The following PPARG variants were observed in gnomAD, a reference collection of about 807,000 sequenced individuals.
PPARG encodes the protein peroxisome proliferator activated receptor gamma, also known as peroxisome proliferator-activated receptor gamma.
In PPARG, 17 loss-of-function variants were observed where a neutral mutation model predicts 39.2. The observed-to-expected ratio is 0.43, with a 90% CI of 0.30 to 0.65. The LOEUF (loss-of-function observed/expected upper bound fraction) is 0.65. Among genes scored for constraint, PPARG ranks in the 30% least tolerant of loss-of-function variants. The probability of loss-of-function intolerance (pLI) is 0.13; values close to 1 mark genes in which losing one functional copy is unlikely to be tolerated. For synonymous variants in PPARG, 223 were observed against 215.7 expected, an observed-to-expected ratio of 1.03 and a Z score of -0.30; for missense variants, 406 against 585.9, an observed-to-expected ratio of 0.69 and a Z score of 3.17.
At position 12,320,355 on chromosome 3, in the gene PPARG, A is replaced by G. The variant is rs933348053; in HGVS notation, c.-9+7902A>G. Among the ~76,000 whole-genome samples, 7 of 152,206 alleles carry G rather than the reference A, an allele frequency of 4.6e-5. No homozygotes were observed. In the East Asian group the frequency reaches 1.3e-3, roughly 29 times the overall value. On this transcript the variant is annotated intron_variant, in intron 2 of 7. Coordinates refer to ENST00000651735, the MANE Select transcript of PPARG (RefSeq NM_138711.6). ...ATTGTCTGAATAAATACCAATATCT[A>G]CTAGTATTTATTTCCTTGCTGGTAA...
intron 3 of PPARG, among the ~76,000 whole-genome samples, chr3:12,380,750 T>G (rs1242928987): frequency 6.6e-6 from 1 of 152,164 alleles, no homozygotes; most frequent in African/African-American, 2.4e-5. Flanking sequence ...AGGTAGGGCT[T>G]ACTTCCATAA....
chr3:12,288,981 G>A (rs2046579820), upstream of PPARG: 1 of 152,408 alleles, frequency 6.6e-6, no homozygotes, highest in South Asian at 2.1e-4. Context: ...ACGCCTCGGT[G>A]TTTAGGGAGG....
intron 1 of PPARG, among the ~76,000 whole-genome samples, chr3:12,297,148 A>G (rs987464433): frequency 5.3e-5 from 8 of 152,244 alleles, no homozygotes; most frequent in Admixed American, 3.9e-4. Context: ...TAACTTAAAT[A>G]TCCAACAGTA....
chr3:12,376,676 AGGATGTACCG>A (rs1363771664), intron 2 of PPARG, among the ~76,000 whole-genome samples: 3 of 152,204 alleles, frequency 2.0e-5, no homozygotes, highest in African/African-American at 7.2e-5. Context: ...AAGAAAAGGT[AGGATGTACCG>A]GGCACATGGG....
At chr3:12,326,922 A>T (rs919251849) in intron 2 of PPARG, among the ~76,000 whole-genome samples, 1 of 152,202 alleles carries the variant, frequency 6.6e-6, no homozygotes, top group Non-Finnish European at 1.5e-5. Context: ...TTGATTCAAG[A>T]TAGTGAGATA....
intron 7 of PPARG, among the ~76,000 whole-genome samples, chr3:12,433,402 G>A (rs2051729266): frequency 6.6e-6 from 1 of 152,054 alleles, no homozygotes; most frequent in Admixed American, 6.5e-5. Flanking sequence ...GAAAGGCGTG[G>A]TGGTGAGCAC....
At chr3:12,328,310 C>T (rs911999697) in intron 2 of PPARG, 7 of 1,059,224 alleles carry the variant, frequency 6.6e-6, no homozygotes, top group Non-Finnish European at 1.0e-5. Flanking sequence ...CCTCCTGCCC[C>T]TCTCATTCCT....
chr3:12,377,117 T>A (rs1305191957), intron 2 of PPARG, among the ~76,000 whole-genome samples: 1 of 152,188 alleles, frequency 6.6e-6, no homozygotes, highest in African/African-American at 2.4e-5. Flanking sequence ...CAAGTTCACA[T>A]GAAGTGAACC....
chr3:12,384,025 G>A (rs1260845502), intron 4 of PPARG, among the ~76,000 whole-genome samples: 1 of 152,064 alleles, frequency 6.6e-6, no homozygotes, highest in Non-Finnish European at 1.5e-5. Context: ...CTAACCTGCA[G>A]TAATTTGCAA....
At chr3:12,350,653 C>T (rs528432111) in intron 2 of PPARG, among the ~76,000 whole-genome samples, 25 of 152,306 alleles carry the variant, frequency 1.6e-4, no homozygotes, top group African/African-American at 5.8e-4. Context: ...CCAGCTTTTT[C>T]CTGATTACAA....
intron 2 of PPARG, among the ~76,000 whole-genome samples, chr3:12,375,626 G>A (rs2049378869): frequency 6.6e-6 from 1 of 152,176 alleles, no homozygotes; most frequent in Admixed American, 6.5e-5. Context: ...GCCTGCCAAG[G>A]AGACAGACAA....
Position 12,432,341 on chromosome 3 carries a change from A to G in PPARG, c.1181-1557A>G, listed in dbSNP as rs534558382. Reference sequence around the variant, plus strand: ...TGAGTACAAGAGTATAAGGAACTCTATTAATGTAATTCACTGTGCTAGGTT... The same window carrying G: ...TGAGTACAAGAGTATAAGGAACTCTGTTAATGTAATTCACTGTGCTAGGTT... On this transcript the variant is annotated intron_variant, in intron 7 of 7. Transcript: ENST00000651735. 2.0e-5 allele frequency among the ~76,000 whole-genome samples: 3 copies of G among 151,686 alleles called. No homozygotes were observed. In the South Asian group the frequency reaches 6.2e-4, roughly 31 times the overall value.
chr3:12,344,447 G>A (rs1009703977), intron 2 of PPARG, among the ~76,000 whole-genome samples: 10 of 151,878 alleles, frequency 6.6e-5, no homozygotes, highest in African/African-American at 1.2e-4. Context: ...GAATCTTACC[G>A]GAAAATAAAC....
intron 6 of PPARG, chr3:12,406,748 C>A (rs2050688169): frequency 6.5e-6 from 1 of 152,876 alleles, no homozygotes; most frequent in African/African-American, 2.4e-5. Context: ...CCTTGTTGAT[C>A]AGGCTGGTCT....
At chr3:12,326,064 C>A (rs752155936) in intron 2 of PPARG, among the ~76,000 whole-genome samples, 1 of 152,190 alleles carries the variant, frequency 6.6e-6, no homozygotes, top group Non-Finnish European at 1.5e-5. Flanking sequence ...GAAGTCATCC[C>A]AAATTTAGTA....
chr3:12,399,929 A>G (rs2050411628), intron 5 of PPARG, among the ~76,000 whole-genome samples: 1 of 151,450 alleles, frequency 6.6e-6, no homozygotes, highest in African/African-American at 2.4e-5. Flanking sequence ...GGTTGCAGTG[A>G]GCTACGATCA....
intron 2 of PPARG, among the ~76,000 whole-genome samples, chr3:12,366,807 G>A (rs903510191): frequency 2.6e-5 from 4 of 152,052 alleles, no homozygotes; most frequent in Non-Finnish European, 4.4e-5. Context: ...CTGATATTTT[G>A]TTAAAGATTT....
At chr3:12,312,615 A>T (rs2047278016) in intron 2 of PPARG, among the ~76,000 whole-genome samples, 162 bp downstream of exon 2, 1 of 152,222 alleles carries the variant, frequency 6.6e-6, no homozygotes, top group African/African-American at 2.4e-5. Context: ...TGGACTATGC[A>T]GTGTAACATA....
intron 2 of PPARG, among the ~76,000 whole-genome samples, chr3:12,373,086 G>A (rs763268720): frequency 1.1e-4 from 16 of 152,114 alleles, no homozygotes; most frequent in South Asian, 8.3e-4. Flanking sequence ...GTAATTGCAC[G>A]GAGTAACAAA....
Sources: gnomAD v4.1 joint callset for allele counts (sites outside exome capture counted in the v4.1 genomes callset) on GRCh38, gnomAD v4.1.1 for gene constraint, MANE v1.5 for transcripts, NCBI Gene and HGNC (gene_info 2026-07-23, HGNC 2026-07-21) for gene names.